PTPRN2: variants seen among roughly 807,000 people sequenced by gnomAD.
PTPRN2 encodes the protein receptor-type tyrosine-protein phosphatase N2.
PTPRN2 carries 74 observed loss-of-function variants against 118.8 expected under a neutral mutation model. The observed-to-expected ratio is 0.62, with a 90% CI of 0.52 to 0.76. The LOEUF (loss-of-function observed/expected upper bound fraction) is 0.76. PTPRN2 is among the 30% of genes least tolerant of loss of function. The probability of loss-of-function intolerance (pLI) is 0.00; values close to 1 mark genes in which losing one functional copy is unlikely to be tolerated. For synonymous variants in PTPRN2, 641 were observed against 608.0 expected (o/e 1.05, Z -0.80); for missense variants, 1,481 against 1,394.4 (o/e 1.06, Z -0.99).
intron 3 of PTPRN2, among the ~76,000 whole-genome samples, chr7:158,284,747 C>A (rs780823143): frequency 6.6e-6 from 1 of 152,310 alleles, no homozygotes; most frequent in South Asian, 2.1e-4. Flanking sequence ...CTCCTCTGCC[C>A]GCATCCAATG....
intron 11 of PTPRN2, among the ~76,000 whole-genome samples, chr7:158,037,962 G>A: frequency 6.6e-6 from 1 of 152,204 alleles, no homozygotes; most frequent in East Asian, 1.9e-4. Context: ...TGGAGTGCAT[G>A]ATGTCTGAAT....
At chr7:158,580,645 T>C (rs1289762166) in intron 1 of PTPRN2, among the ~76,000 whole-genome samples, 1 of 152,166 alleles carries the variant, frequency 6.6e-6, no homozygotes, top group Non-Finnish European at 1.5e-5. Context: ...GAACCTACTC[T>C]TAAATAAATG....
chr7:158,202,869 GAAAC>G, intron 4 of PTPRN2, among the ~76,000 whole-genome samples: 1 of 152,206 alleles, frequency 6.6e-6, no homozygotes. Flanking sequence ...TATAATAAAA[GAAAC>G]AAACAGAAAA....
At chr7:158,342,838 G>A (rs1416624231) in intron 2 of PTPRN2, among the ~76,000 whole-genome samples, 3 of 152,028 alleles carry the variant, frequency 2.0e-5, no homozygotes, top group Non-Finnish European at 2.9e-5. Context: ...CAGACCACCG[G>A]GAGCTCAGGA....
At position 158,526,279 on chromosome 7, in the gene PTPRN2, C is replaced by T. The variant is rs978214963; in HGVS notation, c.113-36494G>A. Among the ~76,000 whole-genome samples the T allele has an allele frequency of 5.9e-5, 9 of 152,288 alleles. No individual in the cohort carries two copies. The highest frequency in any genetic ancestry group is 1.2e-4 in the Non-Finnish European group (8 of 68,028). ...TCAGGCCCTCCCTGCCCACCTGTGG[C>T]GGCGAAGGGAACTGACACCACTCCT... On this transcript the variant is annotated intron_variant, in intron 1 of 22. Transcript: ENST00000389418. The surrounding 1 kb of genome is among the most constrained non-coding windows in gnomAD (Gnocchi z 5.2).
chr7:158,090,674 A>T (rs1175916507), intron 10 of PTPRN2, among the ~76,000 whole-genome samples: 2 of 152,216 alleles, frequency 1.3e-5, no homozygotes, highest in African/African-American at 4.8e-5. Flanking sequence ...CCTATCACTC[A>T]AGACTTATGA....
chr7:157,880,619 G>A (rs972829319), intron 12 of PTPRN2, among the ~76,000 whole-genome samples: 3 of 152,208 alleles, frequency 2.0e-5, no homozygotes, highest in Non-Finnish European at 2.9e-5. Flanking sequence ...TCTCCACGCT[G>A]AGCATCGTTG....
At chr7:158,436,028 G>A (rs931261287) in intron 2 of PTPRN2, among the ~76,000 whole-genome samples, 1 of 152,154 alleles carries the variant, frequency 6.6e-6, no homozygotes, top group African/African-American at 2.4e-5. Flanking sequence ...CAACAATACT[G>A]TGCCATGCAC....
chr7:158,001,879 G>A (rs747749079), intron 11 of PTPRN2, among the ~76,000 whole-genome samples: 32 of 152,332 alleles, frequency 2.1e-4, no homozygotes, highest in African/African-American at 6.5e-4. Context: ...GGGTTGCATC[G>A]TATTTGAGGT....
chr7:158,547,990 C>G (rs780247826), intron 1 of PTPRN2, among the ~76,000 whole-genome samples: 1 of 152,210 alleles, frequency 6.6e-6, no homozygotes, highest in East Asian at 1.9e-4. Flanking sequence ...CAGGGGTGGC[C>G]GAGGACCTGG....
rs556143251 is a variant in PTPRN2, at chr7:158,251,598, GCA to G, written c.278-46327_278-46326del. ...CAGGTGTGCAATGGATGTCTATGGT[GCA>G]TGTGGGGCGTGTGCAGGTGTGCAAT... On this transcript the variant is annotated intron_variant, in intron 3 of 22. Coordinates refer to ENST00000389418, the MANE Select transcript of PTPRN2 (RefSeq NM_002847.5). Among the ~76,000 whole-genome samples the G allele has an allele frequency of 1.4e-3, 206 of 150,964 alleles. 2 individuals carry two copies. The highest frequency in any genetic ancestry group is 5.0e-3 in the African/African-American group (205 of 40,898).
chr7:158,327,343 A>G (rs995692298), intron 2 of PTPRN2, among the ~76,000 whole-genome samples: 5 of 149,890 alleles, frequency 3.3e-5, no homozygotes, highest in African/African-American at 4.9e-5. Context: ...GTGCTCACAC[A>G]TGCTCACACA....
intron 9 of PTPRN2, among the ~76,000 whole-genome samples, chr7:158,118,350 A>G (rs546277792): frequency 1.3e-5 from 2 of 152,304 alleles, no homozygotes; most frequent in East Asian, 3.9e-4. Flanking sequence ...TAATTTTCAG[A>G]TGTTAAATCT....
At chr7:157,967,245 G>A (rs1464958554) in intron 11 of PTPRN2, among the ~76,000 whole-genome samples, 2 of 152,300 alleles carry the variant, frequency 1.3e-5, no homozygotes, top group East Asian at 3.9e-4. Flanking sequence ...AGGAGGTCGA[G>A]GCTGCAGTGC....
intron 11 of PTPRN2, among the ~76,000 whole-genome samples, chr7:157,908,549 C>T (rs1015119739): frequency 6.6e-6 from 1 of 152,230 alleles, no homozygotes; most frequent in Non-Finnish European, 1.5e-5. Flanking sequence ...GAAGTACTCA[C>T]GGACAAATGT....
chr7:158,002,203 C>G (rs763129172), intron 11 of PTPRN2, among the ~76,000 whole-genome samples: 1 of 152,194 alleles, frequency 6.6e-6, no homozygotes, highest in Non-Finnish European at 1.5e-5. Flanking sequence ...GCGGGAAACA[C>G]GGCGTGGTCA....
chr7:158,393,904 A>C (rs533172555), intron 2 of PTPRN2, among the ~76,000 whole-genome samples: 6 of 151,824 alleles, frequency 4.0e-5, no homozygotes, highest in African/African-American at 1.4e-4. Flanking sequence ...CCTAACACAC[A>C]ATCAAACCCA....
chr7:157,822,981 A>G (rs920226873), intron 12 of PTPRN2, among the ~76,000 whole-genome samples: 1 of 151,972 alleles, frequency 6.6e-6, no homozygotes, highest in African/African-American at 2.4e-5. Flanking sequence ...TCAAGCATTC[A>G]TCCATCCACC....
chr7:157,752,423 C>T (rs1377092231), intron 12 of PTPRN2, among the ~76,000 whole-genome samples: 1 of 152,226 alleles, frequency 6.6e-6, no homozygotes, highest in Non-Finnish European at 1.5e-5. Flanking sequence ...TGCCCTCGTC[C>T]AGTCTCCCTT....
Sources: gnomAD v4.1 joint callset for allele counts (sites outside exome capture counted in the v4.1 genomes callset) on GRCh38, gnomAD v4.1.1 for gene constraint, Gnocchi (gnomAD v3.1) non-coding constraint, MANE v1.5 for transcripts, NCBI Gene and HGNC (gene_info 2026-07-23, HGNC 2026-07-21) for gene names.